ALPL: variants seen among roughly 807,000 people sequenced by gnomAD.
The protein encoded by ALPL is alkaline phosphatase, tissue-nonspecific isozyme.
Under a neutral mutation model 51.3 loss-of-function variants are expected in ALPL, and 42 were observed. The ratio of observed to expected loss-of-function variants is 0.82; its 90% CI spans 0.64 to 1.06. ALPL has a LOEUF of 1.06. Among genes scored for constraint, ALPL ranks in the 50% least tolerant of loss-of-function variants. The pLI is 0.00. For missense variants in ALPL, 589 were observed against 709.4 expected, an observed-to-expected ratio of 0.83 and a Z score of 1.93; for synonymous variants, 279 against 296.4, an observed-to-expected ratio of 0.94 and a Z score of 0.60.
At chr1:21,576,430 G>T in intron 10 of ALPL, 92 bp from the exon 11 acceptor site, 1 of 1,546,170 alleles carries the variant, frequency 6.5e-7, no homozygotes, top group Admixed American at 1.8e-5. Context: ...AGATCCCAGG[G>T]GTTACCAAGC....
At chr1:21,533,178 C>T (rs546819403) in intron 1 of ALPL, among the ~76,000 whole-genome samples, 3 of 152,326 alleles carry the variant, frequency 2.0e-5, no homozygotes, top group African/African-American at 7.2e-5. Flanking sequence ...ACAATTTGGG[C>T]TCAGAATCCC....
At chr1:21,571,545 G>A (rs920560478) in intron 8 of ALPL, among the ~76,000 whole-genome samples, 1 of 152,108 alleles carries the variant, frequency 6.6e-6, no homozygotes, top group Admixed American at 6.5e-5. Flanking sequence ...GGTGGCGGGC[G>A]CCTGTAGTCC....
chr1:21,537,781 C>T (rs1398107471), intron 1 of ALPL, among the ~76,000 whole-genome samples: 1 of 152,210 alleles, frequency 6.6e-6, no homozygotes, highest in Non-Finnish European at 1.5e-5. Flanking sequence ...TGCTTTGTGA[C>T]CCTGAACCTC....
chr1:21,574,084 G>A, intron 9 of ALPL: 5 of 985,444 alleles, frequency 5.1e-6, no homozygotes, highest in Non-Finnish European at 6.0e-6. Flanking sequence ...TGGGGACCTG[G>A]CCCTGAAGGG....
intron 1 of ALPL, among the ~76,000 whole-genome samples, chr1:21,516,807 T>A (rs1321468959): frequency 6.6e-6 from 1 of 152,242 alleles, no homozygotes; most frequent in East Asian, 1.9e-4. Flanking sequence ...CCTAAGTGAT[T>A]TTTTTGTGTG....
chr1:21,515,428 C>T (rs1643776376), intron 1 of ALPL, among the ~76,000 whole-genome samples: 1 of 152,134 alleles, frequency 6.6e-6, no homozygotes, highest in African/African-American at 2.4e-5. Flanking sequence ...TCGCTCTGTT[C>T]CCCAGGCTGG....
intron 1 of ALPL, among the ~76,000 whole-genome samples, chr1:21,515,808 C>T (rs768043728): frequency 2.0e-5 from 3 of 152,188 alleles, no homozygotes; most frequent in African/African-American, 4.8e-5. Flanking sequence ...CTCTTGCTGG[C>T]TGTCACTGAA....
At position 21,509,829 on chromosome 1, in the gene ALPL, G is replaced by A. The variant is rs560875628; in HGVS notation, c.-105+312G>A. Among the ~76,000 whole-genome samples the A allele has an allele frequency of 3.3e-5, 5 of 152,228 alleles. No homozygotes were observed. The East Asian group carries it at 5.8e-4, about 18-fold the overall frequency. ...GCAGTCCCAGGGTCTCCTACCTCCC[G>A]AGCCGCTGCCTGGGACCCTGCGCTC... On this transcript the variant is annotated intron_variant, in intron 1 of 11. Transcript: ENST00000374840. The surrounding 1 kb of genome is among the most constrained non-coding windows in gnomAD (Gnocchi z 6.0).
chr1:21,550,720 C>T (rs1474778658), intron 1 of ALPL, among the ~76,000 whole-genome samples: 3 of 152,146 alleles, frequency 2.0e-5, no homozygotes, highest in Non-Finnish European at 2.9e-5. Context: ...CCACGTGGAG[C>T]CTCCGTTCTG....
chr1:21,558,845 A>G (rs369539795), intron 2 of ALPL, among the ~76,000 whole-genome samples: 3 of 152,278 alleles, frequency 2.0e-5, no homozygotes, highest in East Asian at 1.9e-4. Flanking sequence ...CTCTGCGCCT[A>G]TGCTAGGCTG....
chr1:21,547,616 C>G (rs1409412937), intron 1 of ALPL, among the ~76,000 whole-genome samples: 1 of 152,198 alleles, frequency 6.6e-6, no homozygotes, highest in Non-Finnish European at 1.5e-5. Flanking sequence ...TGAGATGGAG[C>G]AAGCGGGGCA....
At chr1:21,523,294 A>G (rs1259283933) in intron 1 of ALPL, among the ~76,000 whole-genome samples, 1 of 152,158 alleles carries the variant, frequency 6.6e-6, no homozygotes, top group Non-Finnish European at 1.5e-5. Flanking sequence ...GCGAGACTCC[A>G]TCTCAAAAAC....
At chr1:21,511,531 G>A (rs1643687402) in intron 1 of ALPL, among the ~76,000 whole-genome samples, 1 of 152,236 alleles carries the variant, frequency 6.6e-6, no homozygotes, top group Non-Finnish European at 1.5e-5. Flanking sequence ...GTTGGGTTAT[G>A]TGCCTACCCT....
At chr1:21,531,342 C>T (rs1644028236) in intron 1 of ALPL, among the ~76,000 whole-genome samples, 1 of 152,220 alleles carries the variant, frequency 6.6e-6, no homozygotes, top group Non-Finnish European at 1.5e-5. Context: ...GAGCCTCCTG[C>T]CTTGGCTCCC....
At position 21,520,777 on chromosome 1, in the gene ALPL, C is replaced by T. The variant is rs777484375; in HGVS notation, c.-105+11260C>T. ...AGCCATTTCTTATTCATGAACTCACCGAACCATCAAAGCAACCCAATAAAG... is the reference window on the plus strand; with the variant it reads ...AGCCATTTCTTATTCATGAACTCACTGAACCATCAAAGCAACCCAATAAAG... On this transcript the variant is annotated intron_variant, in intron 1 of 11. Transcript: ENST00000374840. Among the ~76,000 whole-genome samples the T allele has an allele frequency of 7.9e-5, 12 of 152,232 alleles. No individual in the cohort carries two copies. The South Asian group carries it at 1.7e-3, about 21-fold the overall frequency.
At chr1:21,565,755 A>G (rs1644555150) in intron 6 of ALPL, among the ~76,000 whole-genome samples, 1 of 151,582 alleles carries the variant, frequency 6.6e-6, no homozygotes, top group Non-Finnish European at 1.5e-5. Context: ...CACCCCCCCA[A>G]AAGCCTCCCA....
chr1:21,575,379 C>T (rs1644712723), intron 9 of ALPL, among the ~76,000 whole-genome samples: 1 of 152,172 alleles, frequency 6.6e-6, no homozygotes, highest in Non-Finnish European at 1.5e-5. Flanking sequence ...TTCCAGCGTG[C>T]CCCCTTCCCT....
chr1:21,546,911 C>A (rs1057066403), intron 1 of ALPL, among the ~76,000 whole-genome samples: 11 of 152,198 alleles, frequency 7.2e-5, no homozygotes, highest in Non-Finnish European at 2.9e-5. Flanking sequence ...ATTTCTAGGC[C>A]CATAGATGGG....
chr1:21,517,590 C>T (rs1301366662), intron 1 of ALPL, among the ~76,000 whole-genome samples: 1 of 152,088 alleles, frequency 6.6e-6, no homozygotes, highest in African/African-American at 2.4e-5. Flanking sequence ...AGCCTGTTCA[C>T]CCCCTCATAG....
Sources: allele counts gnomAD v4.1 joint callset (sites outside exome capture counted in the v4.1 genomes callset), GRCh38; gene constraint gnomAD v4.1.1; non-coding constraint Gnocchi (gnomAD v3.1); transcripts MANE v1.5; gene names NCBI Gene and HGNC (gene_info 2026-07-23, HGNC 2026-07-21).